The following TMEM132B variants were observed in gnomAD, a reference collection of about 807,000 sequenced individuals.
TMEM132B encodes the protein transmembrane protein 132B.
In TMEM132B, 18 loss-of-function variants were observed where a neutral mutation model predicts 90.8. The ratio of observed to expected loss-of-function variants is 0.20; its 90% CI spans 0.14 to 0.29. The LOEUF (loss-of-function observed/expected upper bound fraction) is 0.29. Ranked by LOEUF, TMEM132B falls within the 10% of genes least tolerant of loss-of-function variation. The pLI is 1.00. For missense variants in TMEM132B, 1,096 were observed against 1,326.8 expected, an observed-to-expected ratio of 0.83 and a Z score of 2.70; for synonymous variants, 504 against 523.3, an observed-to-expected ratio of 0.96 and a Z score of 0.50.
At chr12:125,454,858 A>G (rs1881249996) in intron 3 of TMEM132B, among the ~76,000 whole-genome samples, 1 of 152,248 alleles carries the variant, frequency 6.6e-6, no homozygotes, top group Non-Finnish European at 1.5e-5. Context: ...GTGAAATTTT[A>G]AGTGCTATGC....
intron 5 of TMEM132B, among the ~76,000 whole-genome samples, chr12:125,609,538 G>A (rs550600610): frequency 3.7e-4 from 57 of 152,036 alleles, no homozygotes; most frequent in Non-Finnish European, 6.0e-4. Flanking sequence ...CTTTTGGGCC[G>A]GGCGTGGTAG....
chr12:125,468,669 CT>C (rs1881634038), intron 3 of TMEM132B, among the ~76,000 whole-genome samples: 1 of 152,164 alleles, frequency 6.6e-6, no homozygotes, highest in South Asian at 2.1e-4. Flanking sequence ...ATATTTTGAA[CT>C]TGTAGATTGT....
intron 1 of TMEM132B, among the ~76,000 whole-genome samples, chr12:125,266,972 A>G (rs1593061727): frequency 6.6e-6 from 1 of 152,134 alleles, no homozygotes; most frequent in Non-Finnish European, 1.5e-5. Context: ...TGGTGAGTTC[A>G]GGATGGTGAG....
intron 5 of TMEM132B, among the ~76,000 whole-genome samples, chr12:125,602,333 C>T (rs930454259): frequency 8.5e-5 from 13 of 152,236 alleles, no homozygotes; most frequent in Non-Finnish European, 1.6e-4. Flanking sequence ...AAACATAATA[C>T]ATTACATAAA....
intron 1 of TMEM132B, among the ~76,000 whole-genome samples, chr12:125,321,526 G>A (rs1215392682): frequency 6.7e-6 from 1 of 149,654 alleles, no homozygotes; most frequent in Non-Finnish European, 1.5e-5. Flanking sequence ...TGCTCAGGCT[G>A]GAGTTCAGTG....
chr12:125,188,544 AC>A (rs1271644325), intron 1 of TMEM132B, among the ~76,000 whole-genome samples: 3 of 47,534 alleles, frequency 6.3e-5, no homozygotes, highest in African/African-American at 1.6e-4. Context: ...CCACCCCCCC[AC>A]CCCCGTCCCC....
At chr12:125,504,156 C>G (rs1418983691) in intron 3 of TMEM132B, among the ~76,000 whole-genome samples, 1 of 152,160 alleles carries the variant, frequency 6.6e-6, no homozygotes, top group Non-Finnish European at 1.5e-5. Context: ...CAAATCCCTT[C>G]CATTGACTTT....
chr12:125,324,040 C>A (rs1010356104), intron 1 of TMEM132B, among the ~76,000 whole-genome samples: 2 of 151,996 alleles, frequency 1.3e-5, no homozygotes, highest in Middle Eastern at 3.2e-3. Context: ...TACACACACA[C>A]AACGGGGGCA....
intron 1 of TMEM132B, among the ~76,000 whole-genome samples, chr12:125,316,100 A>G (rs1876264035): frequency 6.6e-6 from 1 of 152,216 alleles, no homozygotes; most frequent in South Asian, 2.1e-4. Flanking sequence ...CAAGTTGCCC[A>G]GCTCAAAGGA....
chr12:125,408,576 C>A lies in TMEM132B; in HGVS notation c.960-6955C>A, dbSNP rs948389947. Among the ~76,000 whole-genome samples the A allele has an allele frequency of 6.6e-6, 1 of 152,150 alleles. No individual in the cohort carries two copies. The highest frequency in any genetic ancestry group is 1.5e-5 in the Non-Finnish European group (1 of 68,030). ...GAAATAAATTTCTGTTGTTTATAAG[C>A]CTCCAAGTTTGTGGTATTTTGTTAG... On this transcript the variant is annotated intron_variant, in intron 2 of 8. Coordinates refer to ENST00000682704, the MANE Select transcript of TMEM132B (RefSeq NM_001366854.1). The surrounding 1 kb of genome is among the most constrained non-coding windows in gnomAD (Gnocchi z 5.9).
chr12:125,195,173 C>T (rs1171078532), intron 1 of TMEM132B, among the ~76,000 whole-genome samples: 1 of 152,114 alleles, frequency 6.6e-6, no homozygotes, highest in Non-Finnish European at 1.5e-5. Flanking sequence ...GACATTTTTA[C>T]TGTGCACCTG....
chr12:125,616,208 G>C (rs545364916), intron 5 of TMEM132B, among the ~76,000 whole-genome samples: 30 of 151,436 alleles, frequency 2.0e-4, no homozygotes, highest in Non-Finnish European at 4.3e-4. Flanking sequence ...TTGTCCTTGC[G>C]ATAGTTTGCT....
chr12:125,487,291 T>C (rs1593170259), intron 3 of TMEM132B, among the ~76,000 whole-genome samples: 1 of 152,222 alleles, frequency 6.6e-6, no homozygotes, highest in Non-Finnish European at 1.5e-5. Context: ...TAACACAGTG[T>C]GGCTTGTCAC....
intron 1 of TMEM132B, among the ~76,000 whole-genome samples, chr12:125,204,391 G>GCTTAGTCCTTAGTC (rs1003637550): frequency 7.6e-6 from 1 of 131,426 alleles, no homozygotes; most frequent in African/African-American, 2.5e-5. Context: ...CAGGCACTCT[G>GCTTAGTCCTTAGTC]CTTAGTCCTT....
intron 3 of TMEM132B, among the ~76,000 whole-genome samples, chr12:125,428,447 CTAT>C (rs1262872866): frequency 1.2e-4 from 18 of 152,152 alleles, no homozygotes; most frequent in African/African-American, 3.6e-4. Flanking sequence ...CATTATGTCA[CTAT>C]TATTATGACA....
At chr12:125,204,838 T>G (rs377383831) in intron 1 of TMEM132B, among the ~76,000 whole-genome samples, 1 of 120,652 alleles carries the variant, frequency 8.3e-6, no homozygotes, top group South Asian at 3.3e-4. Flanking sequence ...GAGGGCTCCG[T>G]GTACCAGGCA....
intron 1 of TMEM132B, among the ~76,000 whole-genome samples, chr12:125,196,535 C>T (rs560249825): frequency 1.4e-4 from 21 of 152,270 alleles, no homozygotes; most frequent in African/African-American, 5.1e-4. Context: ...TAGCGAAACC[C>T]CATCGCTACT....
At chr12:125,648,961 A>G (rs574174921) in intron 6 of TMEM132B, among the ~76,000 whole-genome samples, 97 of 152,354 alleles carry the variant, frequency 6.4e-4, no homozygotes, top group Non-Finnish European at 1.2e-3. Flanking sequence ...AGCTTTAAAG[A>G]CATCCTAGCA....
intron 3 of TMEM132B, among the ~76,000 whole-genome samples, chr12:125,516,464 T>TA (rs750951217): frequency 6.6e-6 from 1 of 152,080 alleles, no homozygotes; most frequent in Non-Finnish European, 1.5e-5. Context: ...GAAATGACTT[T>TA]AAAAAAAACC....
Sources: gnomAD v4.1 joint callset for allele counts (sites outside exome capture counted in the v4.1 genomes callset) on GRCh38, gnomAD v4.1.1 for gene constraint, Gnocchi (gnomAD v3.1) non-coding constraint, MANE v1.5 for transcripts, NCBI Gene and HGNC (gene_info 2026-07-23, HGNC 2026-07-21) for gene names.